The following ITCH variants were observed in gnomAD, a reference collection of about 807,000 sequenced individuals.
ITCH encodes the protein E3 ubiquitin-protein ligase Itchy homolog.
In ITCH, 28 loss-of-function variants were observed where a neutral mutation model predicts 126.8. The observed-to-expected ratio is 0.22, with a 90% confidence interval of 0.16 to 0.30. The LOEUF is 0.30. ITCH is among the 10% of genes least tolerant of loss of function. The pLI is 1.00. For synonymous variants in ITCH, 342 were observed against 340.0 expected, an observed-to-expected ratio of 1.01 and a Z score of -0.06; for missense variants, 631 against 1,032.4, an observed-to-expected ratio of 0.61 and a Z score of 5.33.
chr20:34,385,222 G>GTGTGTGTGGTT (rs2038237540), intron 2 of ITCH, among the ~76,000 whole-genome samples: 4 of 85,138 alleles, frequency 4.7e-5, no homozygotes, highest in African/African-American at 2.0e-4. Flanking sequence ...TGTGTGTGTG[G>GTGTGTGTGGTT]TTTTTTTTTT....
intron 2 of ITCH, among the ~76,000 whole-genome samples, chr20:34,371,275 T>C (rs981618363): frequency 2.7e-5 from 4 of 146,262 alleles, no homozygotes; most frequent in Non-Finnish European, 6.1e-5. Flanking sequence ...TAAAATCACT[T>C]CTTCTTTTTT....
Position 34,477,772 on chromosome 20 carries a change from A to G in ITCH, c.1570A>G (p.Ile524Val), listed in dbSNP as rs1988375109. The G allele has an allele frequency of 1.2e-6, 2 of 1,613,238 alleles. No homozygotes were observed. The highest frequency in any genetic ancestry group is 8.5e-7 in the Non-Finnish European group (1 of 1,179,508). ...ATTATTTTACTTTATTTTTTTTTAG[A>G]TAATGAGCTTCAGTCCCCAAGATCT... The part of the protein sequence containing the change: ...KTLFEDSFQQ[I>V]MSFSPQDLRR... The change falls in exon 17 of 25, where the codon ATA becomes GTA. Residue 524 changes from isoleucine (I) to valine (V), a missense_variant and splice_region_variant. By Grantham distance (29) the Ile-to-Val change is conservative. Coordinates refer to ENST00000374864, the MANE Select transcript of ITCH (RefSeq NM_031483.7).
chr20:34,396,031 TATTA>T (rs1462611256), intron 3 of ITCH, among the ~76,000 whole-genome samples: 14 of 149,672 alleles, frequency 9.4e-5, no homozygotes, highest in African/African-American at 3.2e-4. Context: ...TTATTATTAT[TATTA>T]TTTTTTTTTT....
intron 24 of ITCH, among the ~76,000 whole-genome samples, chr20:34,506,593 G>A (rs1341121596): frequency 1.3e-5 from 2 of 152,102 alleles, no homozygotes; most frequent in East Asian, 1.9e-4. Flanking sequence ...CATTCCTTAC[G>A]AGAATCTAAC....
At chr20:34,364,154 G>A (rs1364640982) in intron 1 of ITCH, among the ~76,000 whole-genome samples, 1 of 152,198 alleles carries the variant, frequency 6.6e-6, no homozygotes, top group Non-Finnish European at 1.5e-5. Context: ...TTGTGCGCCC[G>A]AAGTAGACGC....
At chr20:34,380,605 C>CTTTT (rs35848431) in intron 2 of ITCH, among the ~76,000 whole-genome samples, 8 of 69,238 alleles carry the variant, frequency 1.2e-4, no homozygotes, top group African/African-American at 1.8e-4. Context: ...TTAATGATGT[C>CTTTT]TTTTTTTTTT....
intron 3 of ITCH, chr20:34,402,291 T>G: frequency 8.4e-7 from 1 of 1,196,402 alleles, no homozygotes. Flanking sequence ...ATGGGCCAGC[T>G]TATTCAGCAG....
At chr20:34,458,204 T>G (rs1986199088) in intron 13 of ITCH, among the ~76,000 whole-genome samples, 1 of 152,152 alleles carries the variant, frequency 6.6e-6, no homozygotes, top group Non-Finnish European at 1.5e-5. Flanking sequence ...CCATGTAGGA[T>G]TAAGAATGCC....
chr20:34,467,347 G>A (rs1987166127), intron 14 of ITCH, among the ~76,000 whole-genome samples: 1 of 152,042 alleles, frequency 6.6e-6, no homozygotes, highest in Admixed American at 6.6e-5. Flanking sequence ...TAGGCAACAT[G>A]GTGAAACCCA....
At chr20:34,419,591 G>A (rs1980466585) in intron 6 of ITCH, among the ~76,000 whole-genome samples, 1 of 151,438 alleles carries the variant, frequency 6.6e-6, no homozygotes, top group Non-Finnish European at 1.5e-5. Flanking sequence ...CAATTCTCCT[G>A]CCTCAGCCTC....
At chr20:34,440,087 G>C in intron 8 of ITCH, 68 bp from the exon 9 acceptor site, 1 of 1,158,384 alleles carries the variant, frequency 8.6e-7, no homozygotes, top group Admixed American at 1.8e-5. Context: ...ATTTTTTACA[G>C]TTAAAATTCT....
chr20:34,475,790 G>A (rs1281969795), intron 16 of ITCH: 6 of 636,264 alleles, frequency 9.4e-6, no homozygotes, highest in African/African-American at 9.1e-5. Context: ...AAATTTAGTA[G>A]TTATACAAGG....
At chr20:34,381,247 A>G (rs1309103881) in intron 2 of ITCH, among the ~76,000 whole-genome samples, 2 of 151,920 alleles carry the variant, frequency 1.3e-5, no homozygotes, top group Non-Finnish European at 2.9e-5. Flanking sequence ...AAACAAAAAA[A>G]CAACTATCTG....
chr20:34,390,443 CTTTTTTTT>C (rs546555130), intron 2 of ITCH, among the ~76,000 whole-genome samples: 3 of 90,756 alleles, frequency 3.3e-5, no homozygotes, highest in Non-Finnish European at 6.6e-5. Context: ...CAAGAATAAT[CTTTTTTTT>C]TTTTTTTTTT....
intron 3 of ITCH, chr20:34,401,740 A>G (rs1261711574): frequency 1.7e-6 from 1 of 579,062 alleles, no homozygotes; most frequent in African/African-American, 2.0e-5. Context: ...CTGAAAAACA[A>G]ACCTCCCCCC....
rs1478306813 is a variant in ITCH at position 34,449,597 on chromosome 20, C to G, written c.1210+117C>G. 6.9e-6 allele frequency: 5 copies of G among 729,066 alleles called. No individual in the cohort carries two copies. The Admixed American group carries it at 1.2e-4, about 18-fold the overall frequency. 45.2% of individuals were successfully genotyped at this position (729,066 alleles called of 1,614,324 possible). On this transcript the variant is annotated intron_variant, in intron 12 of 24. Transcript: ENST00000374864. The stretch of plus-strand genomic sequence containing the variant: ...ACTGTGCTCTTGCTTGAGTGAATGT[C>G]TGGGAAGTTTTTTTTTAATATATAT...
intron 14 of ITCH, chr20:34,466,201 G>T: frequency 6.6e-6 from 2 of 304,364 alleles, no homozygotes; most frequent in Non-Finnish European, 6.5e-6. Context: ...CCCTCATTCT[G>T]TTAATGTGGT....
At chr20:34,485,361 G>A (rs1989030030) in intron 20 of ITCH, among the ~76,000 whole-genome samples, 1 of 152,182 alleles carries the variant, frequency 6.6e-6, no homozygotes, top group African/African-American at 2.4e-5. Flanking sequence ...GTTTCCCAAA[G>A]TGTTTTTGCC....
intron 2 of ITCH, among the ~76,000 whole-genome samples, chr20:34,391,093 T>C (rs937914720): frequency 6.6e-6 from 1 of 152,190 alleles, no homozygotes; most frequent in Admixed American, 6.5e-5. Context: ...TTGTAAATAA[T>C]AGAACTAAGA....
Sources: gnomAD v4.1 joint callset for allele counts (sites outside exome capture counted in the v4.1 genomes callset) on GRCh38, gnomAD v4.1.1 for gene constraint, MANE v1.5 for transcripts, NCBI Gene and HGNC (gene_info 2026-07-23, HGNC 2026-07-21) for gene names.